PCDH15: variants seen among roughly 807,000 people sequenced by gnomAD.
PCDH15 encodes the protein protocadherin related 15.
A neutral mutation model predicts 178.5 loss-of-function variants in PCDH15; 129 were observed. The ratio of observed to expected loss-of-function variants is 0.72; its 90% CI spans 0.63 to 0.84. PCDH15 has a LOEUF of 0.84. PCDH15 is among the 40% of genes least tolerant of loss of function. The probability of loss-of-function intolerance (pLI) is 0.00; values close to 1 mark genes in which losing one functional copy is unlikely to be tolerated. For synonymous variants in PCDH15, 800 were observed against 732.0 expected (o/e 1.09, Z -1.50); for missense variants, 2,230 against 2,099.9 (o/e 1.06, Z -1.21).
At chr10:54,304,361 A>G (rs369011289) in intron 8 of PCDH15, among the ~76,000 whole-genome samples, 1 of 152,130 alleles carries the variant, frequency 6.6e-6, no homozygotes, top group Non-Finnish European at 1.5e-5. Flanking sequence ...GCAAATCTAC[A>G]TTAGGAAGAG....
intron 1 of PCDH15, among the ~76,000 whole-genome samples, chr10:54,726,450 G>C (rs1279149914): frequency 3.3e-5 from 5 of 151,030 alleles, no homozygotes; most frequent in Admixed American, 1.3e-4. Context: ...GTGTGTGTGT[G>C]TGTGTGTGTG....
At chr10:55,534,488 C>T (rs116372032) in intron 2 of PCDH15, among the ~76,000 whole-genome samples, 3,453 of 151,974 alleles carry the variant, frequency 0.023, 133 homozygotes, top group African/African-American at 0.077. Flanking sequence ...TCACTAATCA[C>T]CAGAGAAATG....
intron 23 of PCDH15, among the ~76,000 whole-genome samples, chr10:53,951,364 A>G (rs2087024335): frequency 6.7e-6 from 1 of 148,284 alleles, no homozygotes; most frequent in Non-Finnish European, 1.5e-5. Flanking sequence ...ATTTTGAGAA[A>G]GAGAGGTGGA....
At chr10:54,517,756 A>G (rs1377352835) in intron 3 of PCDH15, among the ~76,000 whole-genome samples, 1 of 152,172 alleles carries the variant, frequency 6.6e-6, no homozygotes, top group Non-Finnish European at 1.5e-5. Flanking sequence ...AACAGAATAT[A>G]CATTTTTTTC....
intron 2 of PCDH15, among the ~76,000 whole-genome samples, chr10:54,921,050 C>T (rs1837473781): frequency 6.6e-6 from 1 of 152,112 alleles, no homozygotes; most frequent in Admixed American, 6.6e-5. Context: ...ATTTCATGTG[C>T]ATGTATTATA....
At chr10:54,227,102 G>A (rs2053540818) in intron 9 of PCDH15, among the ~76,000 whole-genome samples, 1 of 152,156 alleles carries the variant, frequency 6.6e-6, no homozygotes, top group Admixed American at 6.5e-5. Context: ...TAAAATGGTG[G>A]CCCTCTTCTC....
At chr10:54,034,110 A>G (rs1329158625) in intron 18 of PCDH15, among the ~76,000 whole-genome samples, 1 of 151,986 alleles carries the variant, frequency 6.6e-6, no homozygotes, top group Non-Finnish European at 1.5e-5. Flanking sequence ...TCTGGATAAC[A>G]TTCAAGTAAA....
chr10:55,222,710 TAC>T (rs374141989), intron 1 of PCDH15, among the ~76,000 whole-genome samples: 42 of 42,162 alleles, frequency 1.0e-3, no homozygotes, highest in Non-Finnish European at 1.5e-3. Context: ...TATATCTTTA[TAC>T]ACACACACAC....
intron 2 of PCDH15, among the ~76,000 whole-genome samples, chr10:55,060,014 C>A (rs1225600709): frequency 6.6e-6 from 1 of 151,570 alleles, no homozygotes; most frequent in Non-Finnish European, 1.5e-5. Flanking sequence ...TGAATTGGAA[C>A]AACTTATTCC....
intron 2 of PCDH15, among the ~76,000 whole-genome samples, chr10:55,072,984 C>T (rs1276479894): frequency 6.6e-6 from 1 of 151,938 alleles, no homozygotes. Flanking sequence ...ATAAATAGAA[C>T]CAAAGACAAA....
At chr10:54,090,294 C>T (rs904702566) in intron 15 of PCDH15, among the ~76,000 whole-genome samples, 4 of 152,176 alleles carry the variant, frequency 2.6e-5, no homozygotes, top group African/African-American at 9.7e-5. Flanking sequence ...CCAAGGTTTA[C>T]TTATTTAATT....
At chr10:53,808,998 T>C (rs1403475511) in intron 37 of PCDH15, 2 of 1,570,612 alleles carry the variant, frequency 1.3e-6, no homozygotes, top group East Asian at 4.7e-5. Flanking sequence ...GTTCTTTTTG[T>C]TCTTCTTGTG....
chr10:54,022,236 C>A (rs1337881893), intron 19 of PCDH15, among the ~76,000 whole-genome samples: 1 of 151,600 alleles, frequency 6.6e-6, no homozygotes, highest in African/African-American at 2.4e-5. Flanking sequence ...ATGTTCAGGA[C>A]TGTGTAATTT....
intron 14 of PCDH15, among the ~76,000 whole-genome samples, chr10:54,144,090 G>A (rs1036913602): frequency 6.7e-6 from 1 of 148,536 alleles, no homozygotes; most frequent in Non-Finnish European, 1.5e-5. Flanking sequence ...AAGTTGGGGG[G>A]CTGAAGAGAA....
intron 20 of PCDH15, among the ~76,000 whole-genome samples, chr10:53,996,356 AT>A (rs879461082): frequency 2.2e-4 from 34 of 152,220 alleles, no homozygotes; most frequent in Admixed American, 1.8e-3. Context: ...AATTTACTGA[AT>A]TTTTTTCAGA....
intron 3 of PCDH15, among the ~76,000 whole-genome samples, chr10:54,487,640 C>G (rs1350990948): frequency 6.6e-6 from 1 of 151,988 alleles, no homozygotes; most frequent in Non-Finnish European, 1.5e-5. Flanking sequence ...TAAAATATCT[C>G]TATAGATCTA....
chr10:54,032,383 A>T (rs927029273), intron 18 of PCDH15, among the ~76,000 whole-genome samples: 12 of 151,962 alleles, frequency 7.9e-5, no homozygotes, highest in African/African-American at 2.9e-4. Context: ...AAGAATTCAT[A>T]AGGACAGGAT....
intron 1 of PCDH15, among the ~76,000 whole-genome samples, chr10:54,706,886 T>C (rs549068774): frequency 6.6e-6 from 1 of 152,306 alleles, no homozygotes; most frequent in East Asian, 1.9e-4. Context: ...CCTCCCAAAG[T>C]GCTGGGATTA....
intron 29 of PCDH15, among the ~76,000 whole-genome samples, chr10:53,834,541 T>C (rs1481838604): frequency 6.6e-6 from 1 of 151,490 alleles, no homozygotes; most frequent in African/African-American, 2.4e-5. Context: ...TTCTCGTCAT[T>C]TTCATCTACA....
Sources: gnomAD v4.1 joint callset for allele counts (sites outside exome capture counted in the v4.1 genomes callset) on GRCh38, gnomAD v4.1.1 for gene constraint, MANE v1.5 for transcripts, NCBI Gene and HGNC (gene_info 2026-07-23, HGNC 2026-07-21) for gene names.